Variants in RNF220 observed in about 807,000 individuals in gnomAD.
The protein encoded by RNF220 is ring finger protein 220, also known as E3 ubiquitin-protein ligase RNF220.
A neutral mutation model predicts 67.1 loss-of-function variants in RNF220; 7 were observed. The observed-to-expected ratio is 0.10, with a 90% CI of 0.06 to 0.20. The LOEUF is 0.20. Ranked by LOEUF, RNF220 falls within the 10% of genes least tolerant of loss-of-function variation. The pLI, the probability that RNF220 is intolerant of heterozygous loss-of-function variation, is 1.00. For missense variants in RNF220, 565 were observed against 740.3 expected (o/e 0.76, Z 2.75); for synonymous variants, 270 against 283.2 (o/e 0.95, Z 0.47).
chr1:44,638,513 GT>G (rs1480821973), intron 8 of RNF220: 1 of 152,266 alleles, frequency 6.6e-6, no homozygotes, highest in Non-Finnish European at 1.5e-5. Context: ...TTGCAGATAA[GT>G]TCCTGTATCC....
At chr1:44,497,852 G>T (rs113723281) in intron 2 of RNF220, among the ~76,000 whole-genome samples, 1 of 152,182 alleles carries the variant, frequency 6.6e-6, no homozygotes, top group African/African-American at 2.4e-5. Context: ...CTTCCTAATT[G>T]TTAGGATAAA....
In RNF220 at chr1:44,417,538, C is replaced by T. The variant is rs1191607366; in HGVS notation, c.625+4816C>T. Among the ~76,000 whole-genome samples the T allele has an allele frequency of 2.0e-5, 3 of 152,202 alleles. No homozygotes were observed. The highest frequency in any genetic ancestry group is 4.4e-5 in the Non-Finnish European group (3 of 68,028). ...CTCTTCCCCTGCCCTCGCTCCACGC[C>T]GCGCCGCTCTGTGCGGCGGCTGCCT... On this transcript the variant is annotated intron_variant, in intron 2 of 14. Coordinates refer to ENST00000361799, the MANE Select transcript of RNF220 (RefSeq NM_018150.4). The surrounding 1 kb of genome is among the most constrained non-coding windows in gnomAD (Gnocchi z 4.0).
At chr1:44,463,621 T>C (rs1653996134) in intron 2 of RNF220, among the ~76,000 whole-genome samples, 1 of 152,190 alleles carries the variant, frequency 6.6e-6, no homozygotes, top group Non-Finnish European at 1.5e-5. Context: ...ATCCTCCTTA[T>C]CTGCCTGGCT....
Position 44,508,491 on chromosome 1 carries a change from G to A in RNF220, c.625+95769G>A, listed in dbSNP as rs545450868. Among the ~76,000 whole-genome samples, 53 of 152,290 alleles carry A rather than the reference G, an allele frequency of 3.5e-4. No individual in the cohort carries two copies. The South Asian group carries it at 0.011, about 30-fold the overall frequency. On this transcript the variant is annotated intron_variant, in intron 2 of 14. Coordinates refer to ENST00000361799, the MANE Select transcript of RNF220 (RefSeq NM_018150.4). ...CGCCTGCATCTTAGTTTCCGCTCTTGGGCTGGGTGCCCCAAAAGATGGAAG... is the reference window on the plus strand; with the variant it reads ...CGCCTGCATCTTAGTTTCCGCTCTTAGGCTGGGTGCCCCAAAAGATGGAAG...
At chr1:44,502,924 CCTGA>C (rs1230792801) in intron 2 of RNF220, among the ~76,000 whole-genome samples, 2 of 152,060 alleles carry the variant, frequency 1.3e-5, no homozygotes, top group African/African-American at 4.8e-5. Context: ...CGTTGTCATG[CCTGA>C]CTAATTTTTT....
intron 2 of RNF220, among the ~76,000 whole-genome samples, chr1:44,576,801 T>C (rs960237224): frequency 1.3e-5 from 2 of 152,206 alleles, no homozygotes; most frequent in Non-Finnish European, 2.9e-5. Context: ...GGACAATTGC[T>C]GTGCTGACTG....
Position 44,645,889 on chromosome 1 carries a change from T to TAAAA in RNF220, c.1445+402_1445+403insAAAA, listed in dbSNP as rs1644630766. Among the ~76,000 whole-genome samples the TAAAA allele has an allele frequency of 6.6e-6, 1 of 152,278 alleles. No individual in the cohort carries two copies. The highest frequency in any genetic ancestry group is 1.5e-5 in the Non-Finnish European group (1 of 68,046). ...CCCGGGTGGCACTCGCAGTGGATTT[T>TAAAA]AGGCAGGAACATTGGGTATCATCAC... On this transcript the variant is annotated intron_variant, in intron 12 of 14. Coordinates refer to ENST00000361799, the MANE Select transcript of RNF220 (RefSeq NM_018150.4). This position sits in a 1 kb window ranked among gnomAD's most constrained non-coding sequence, Gnocchi z 5.0.
chr1:44,550,433 T>C (rs1029754744), intron 2 of RNF220, among the ~76,000 whole-genome samples: 2 of 152,170 alleles, frequency 1.3e-5, no homozygotes, highest in Non-Finnish European at 2.9e-5. Context: ...TTTGCAGAGT[T>C]CTGGACAGCA....
chr1:44,544,448 C>G (rs116092720), intron 2 of RNF220, among the ~76,000 whole-genome samples: 1 of 152,180 alleles, frequency 6.6e-6, no homozygotes, highest in South Asian at 2.1e-4. Flanking sequence ...CTAGCCAGCA[C>G]GAGGTTTTAA....
chr1:44,505,047 C>G (rs1279975502), intron 2 of RNF220, among the ~76,000 whole-genome samples: 1 of 152,218 alleles, frequency 6.6e-6, no homozygotes, highest in Non-Finnish European at 1.5e-5. Flanking sequence ...CATGATGCTC[C>G]TCATTTATCG....
At chr1:44,512,603 A>G (rs1034194229) in intron 2 of RNF220, among the ~76,000 whole-genome samples, 5 of 152,214 alleles carry the variant, frequency 3.3e-5, no homozygotes, top group Admixed American at 6.5e-5. Flanking sequence ...TTAAAGCAAC[A>G]GCTTGAACCT....
Position 44,546,204 on chromosome 1 carries a change from C to A in RNF220, c.626-67961C>A, listed in dbSNP as rs904017232. ...GAGGAGAAGCTGGCGAGCTCACTCT[C>A]GGTCCTGGTTCTTCCGGCCACCCAG... On this transcript the variant is annotated intron_variant, in intron 2 of 14. Transcript: ENST00000361799. Among the ~76,000 whole-genome samples the A allele has an allele frequency of 2.6e-5, 4 of 152,288 alleles. No individual in the cohort carries two copies. In the East Asian group the frequency reaches 7.7e-4, roughly 29 times the overall value.
In RNF220 at chr1:44,405,382, T is replaced by TGCTGCTGCTGCTGCC. The variant is rs1553208911; in HGVS notation, c.-260_-246dup. On this transcript the variant is annotated 5_prime_UTR_variant, in exon 1 of 15. Transcript: ENST00000361799. ...AAACCCGGGGCCAGCCGCCTACTGCTGCTGCTGCTGCTGCCGCTGCCGCCG... is the reference window on the plus strand; with the variant it reads ...AAACCCGGGGCCAGCCGCCTACTGCTGCTGCTGCTGCTGCCGCTGCTGCTGCTGCCGCTGCCGCCG... 25 of 623,900 alleles carry TGCTGCTGCTGCTGCC rather than the reference T, an allele frequency of 4.0e-5. No homozygotes were observed. Among genetic ancestry groups the TGCTGCTGCTGCTGCC allele is most frequent in the South Asian group, 2.0e-4 (12 of 58,558 alleles). The allele number at this position is 623,900 out of a possible 1,614,324, so 38.6% of individuals were successfully genotyped here.
chr1:44,449,945 C>T (rs1652497234), intron 2 of RNF220, among the ~76,000 whole-genome samples: 10 of 152,206 alleles, frequency 6.6e-5, no homozygotes, highest in Admixed American at 6.5e-4. Flanking sequence ...GGCGCAGTGG[C>T]TCACGCCTGT....
intron 2 of RNF220, among the ~76,000 whole-genome samples, chr1:44,592,368 GC>G (rs1259097835): frequency 2.0e-5 from 3 of 152,228 alleles, no homozygotes; most frequent in Non-Finnish European, 4.4e-5. Context: ...AGGCCTCCCA[GC>G]TGCCCCTCTG....
intron 2 of RNF220, among the ~76,000 whole-genome samples, chr1:44,508,085 G>T (rs988168896): frequency 6.6e-6 from 1 of 151,948 alleles, no homozygotes; most frequent in Non-Finnish European, 1.5e-5. Flanking sequence ...GGGTGGGCGT[G>T]TGGGGGTGGT....
At chr1:44,544,858 G>A (rs960258398) in intron 2 of RNF220, among the ~76,000 whole-genome samples, 7 of 152,218 alleles carry the variant, frequency 4.6e-5, no homozygotes, top group Admixed American at 2.6e-4. Context: ...TTTCCAGGAG[G>A]GGTTGTTGTA....
At chr1:44,629,177 C>G (rs1036292130) in intron 5 of RNF220, among the ~76,000 whole-genome samples, 1 of 152,236 alleles carries the variant, frequency 6.6e-6, no homozygotes, top group Non-Finnish European at 1.5e-5. Context: ...AGTGTCACAC[C>G]AAGAGGGTAA....
intron 2 of RNF220, among the ~76,000 whole-genome samples, chr1:44,413,135 T>C (rs1394138793): frequency 6.6e-6 from 1 of 152,194 alleles, no homozygotes; most frequent in African/African-American, 2.4e-5. Context: ...GATCTCAGTG[T>C]TATTTTTTAG....
Sources: allele counts gnomAD v4.1 joint callset (sites outside exome capture counted in the v4.1 genomes callset), GRCh38; gene constraint gnomAD v4.1.1; non-coding constraint Gnocchi (gnomAD v3.1); transcripts MANE v1.5; gene names NCBI Gene and HGNC (gene_info 2026-07-23, HGNC 2026-07-21).